The following NR6A1 variants were observed in gnomAD, a reference collection of about 807,000 sequenced individuals.
The protein encoded by NR6A1 is retinoic acid receptor-related testis-associated receptor.
A neutral mutation model predicts 59.1 loss-of-function variants in NR6A1; 7 were observed. The ratio of observed to expected loss-of-function variants is 0.12; its 90% CI spans 0.07 to 0.22. NR6A1 has a LOEUF of 0.22. NR6A1 is among the 10% of genes least tolerant of loss of function. The pLI is 1.00. For missense variants in NR6A1, 468 were observed against 611.6 expected (o/e 0.77, Z 2.48); for synonymous variants, 243 against 236.1 (o/e 1.03, Z -0.27).
chr9:124,522,307 C>T lies in NR6A1; in HGVS notation c.*398G>A, dbSNP rs1832819024. On this transcript the variant is annotated 3_prime_UTR_variant, in exon 10 of 10. Transcript: ENST00000487099. ...TAGGGATGGCCACACCCCCCATTTCCATTGAGGTAGTCATCTTTGTCAACA... is the reference window on the plus strand; with the variant it reads ...TAGGGATGGCCACACCCCCCATTTCTATTGAGGTAGTCATCTTTGTCAACA... 6.4e-6 allele frequency: 1 copy of T among 157,452 alleles called. No individual in the cohort carries two copies. The highest frequency in any genetic ancestry group is 1.4e-5 in the Non-Finnish European group (1 of 70,754). The allele number at this position is 157,452 out of a possible 1,614,324, so 9.8% of individuals were successfully genotyped here. A position where few individuals can be genotyped will look rare whatever the true frequency, so the allele number is the denominator to read the frequency against.
intron 7 of NR6A1, among the ~76,000 whole-genome samples, chr9:124,533,260 G>A (rs1030208794): frequency 6.6e-6 from 1 of 152,180 alleles, no homozygotes; most frequent in Non-Finnish European, 1.5e-5. Flanking sequence ...CACCCCTATG[G>A]AGCAGAGTTA....
intron 2 of NR6A1, chr9:124,599,288 C>A: frequency 2.5e-6 from 1 of 394,974 alleles, no homozygotes; most frequent in South Asian, 2.2e-5. Flanking sequence ...ACTAAAAATA[C>A]AAAAAATAGC....
intron 3 of NR6A1, among the ~76,000 whole-genome samples, chr9:124,549,251 C>T (rs1400852586): frequency 1.3e-5 from 2 of 152,176 alleles, no homozygotes; most frequent in African/African-American, 4.8e-5. Context: ...ACCCCCTCTT[C>T]TTCCAGGCAG....
At chr9:124,676,126 G>T (rs1365520395) in intron 2 of NR6A1, among the ~76,000 whole-genome samples, 2 of 152,104 alleles carry the variant, frequency 1.3e-5, no homozygotes, top group African/African-American at 4.8e-5. Flanking sequence ...GGAATCAGTG[G>T]GGGAATAATG....
chr9:124,569,781 A>C (rs999523474), intron 2 of NR6A1, among the ~76,000 whole-genome samples: 3 of 152,204 alleles, frequency 2.0e-5, no homozygotes, highest in Admixed American at 2.0e-4. Context: ...AAATCATCGC[A>C]CTGTTCCTCT....
chr9:124,656,432 C>A (rs1564221494), intron 2 of NR6A1, among the ~76,000 whole-genome samples: 1 of 152,194 alleles, frequency 6.6e-6, no homozygotes, highest in Non-Finnish European at 1.5e-5. Flanking sequence ...CATGCGACAA[C>A]ATGCATGAAC....
At chr9:124,572,756 T>C (rs558178717) in intron 2 of NR6A1, among the ~76,000 whole-genome samples, 4 of 152,248 alleles carry the variant, frequency 2.6e-5, no homozygotes, top group Non-Finnish European at 4.4e-5. Context: ...GGGCAAGCTA[T>C]AGACAAACTG....
At chr9:124,631,447 T>C (rs1253154438) in intron 2 of NR6A1, among the ~76,000 whole-genome samples, 2 of 152,230 alleles carry the variant, frequency 1.3e-5, no homozygotes, top group Non-Finnish European at 2.9e-5. Flanking sequence ...TCTACACAGC[T>C]TGCATTTCTG....
intron 1 of NR6A1, among the ~76,000 whole-genome samples, chr9:124,737,135 T>G (rs1399340713): frequency 1.3e-5 from 2 of 152,198 alleles, no homozygotes; most frequent in Non-Finnish European, 2.9e-5. Context: ...GATGTGGTGA[T>G]TCCAGATGTT....
At chr9:124,635,993 T>C (rs1234148833) in intron 2 of NR6A1, among the ~76,000 whole-genome samples, 1 of 152,248 alleles carries the variant, frequency 6.6e-6, no homozygotes, top group Non-Finnish European at 1.5e-5. Flanking sequence ...TAAAAGTTCT[T>C]GCCCTTCCAC....
chr9:124,524,171 T>C (rs1048789369), intron 9 of NR6A1, among the ~76,000 whole-genome samples: 2 of 152,190 alleles, frequency 1.3e-5, no homozygotes, highest in Admixed American at 6.5e-5. Context: ...TTGCCCAGGC[T>C]GGTCTTAACT....
At chr9:124,553,847 T>C (rs892598361) in intron 3 of NR6A1, among the ~76,000 whole-genome samples, 3 of 152,146 alleles carry the variant, frequency 2.0e-5, no homozygotes, top group Admixed American at 1.3e-4. Context: ...AGTTTGTTCA[T>C]ATTATCTCAG....
At chr9:124,731,900 C>T (rs1440612259) in intron 2 of NR6A1, among the ~76,000 whole-genome samples, 2 of 152,182 alleles carry the variant, frequency 1.3e-5, no homozygotes, top group Non-Finnish European at 2.9e-5. Context: ...GGACTTTCAA[C>T]TGTGCAGGGG....
intron 1 of NR6A1, among the ~76,000 whole-genome samples, chr9:124,737,265 C>T (rs1328064640): frequency 6.6e-6 from 1 of 152,124 alleles, no homozygotes; most frequent in African/African-American, 2.4e-5. Flanking sequence ...GTCCTGAGAC[C>T]ACTGCTATTA....
chr9:124,750,764 AAAT>A (rs1034543760), intron 1 of NR6A1, among the ~76,000 whole-genome samples: 2 of 151,784 alleles, frequency 1.3e-5, no homozygotes, highest in African/African-American at 4.9e-5. Context: ...CGTCTCAAAA[AAAT>A]AAATAAATAA....
rs1832745026 is a variant in NR6A1 at position 124,519,076 on chromosome 9, A to T, written c.*3629T>A. On this transcript the variant is annotated 3_prime_UTR_variant, in exon 10 of 10. Coordinates refer to ENST00000487099, the MANE Select transcript of NR6A1 (RefSeq NM_033334.4). ...AACAAATGTAGGAAATGGGTAACAG[A>T]GCAATGCACCTAGCTCAGAGCCCAG... is the stretch of plus-strand genomic sequence containing the variant. 1 of 152,256 alleles carries T rather than the reference A, an allele frequency of 6.6e-6. No homozygotes were observed. The highest frequency in any genetic ancestry group is 2.1e-4 in the South Asian group (1 of 4,834). 9.4% of individuals were successfully genotyped at this position (152,256 alleles called of 1,614,324 possible). A position where few individuals can be genotyped will look rare whatever the true frequency, so the allele number is the denominator to read the frequency against.
intron 2 of NR6A1, chr9:124,599,044 C>T (rs2130817341): frequency 5.4e-6 from 4 of 736,028 alleles, no homozygotes; most frequent in South Asian, 2.8e-5. Context: ...GGCGGGTGGT[C>T]CCCTTCTCCT....
At chr9:124,642,943 A>G (rs549446130) in intron 2 of NR6A1, among the ~76,000 whole-genome samples, 3 of 152,256 alleles carry the variant, frequency 2.0e-5, no homozygotes, top group East Asian at 3.9e-4. Context: ...TATTTGAAAG[A>G]TATTAAGAAT....
intron 2 of NR6A1, among the ~76,000 whole-genome samples, chr9:124,653,685 G>A (rs1588746917): frequency 6.6e-6 from 1 of 152,208 alleles, no homozygotes; most frequent in African/African-American, 2.4e-5. Context: ...TGGCATTACA[G>A]GCATGAGCCA....
Sources: allele counts gnomAD v4.1 joint callset (sites outside exome capture counted in the v4.1 genomes callset), GRCh38; gene constraint gnomAD v4.1.1; transcripts MANE v1.5; gene names NCBI Gene and HGNC (gene_info 2026-07-23, HGNC 2026-07-21).